The following LIMCH1 variants were observed in gnomAD, a reference collection of about 807,000 sequenced individuals.
The protein encoded by LIMCH1 is LIM and calponin homology domains 1, also known as LIM and calponin homology domains-containing protein 1.
LIMCH1 carries 113 observed loss-of-function variants against 176.5 expected under a neutral mutation model. The ratio of observed to expected loss-of-function variants is 0.64; its 90% CI spans 0.55 to 0.75. LIMCH1 has a LOEUF of 0.75. LIMCH1 is among the 30% of genes least tolerant of loss of function. The probability of loss-of-function intolerance (pLI) is 0.00; values close to 1 mark genes in which losing one functional copy is unlikely to be tolerated. For synonymous variants in LIMCH1, 619 were observed against 645.9 expected, an observed-to-expected ratio of 0.96 and a Z score of 0.63; for missense variants, 1,674 against 1,814.9, an observed-to-expected ratio of 0.92 and a Z score of 1.41.
intron 1 of LIMCH1, among the ~76,000 whole-genome samples, chr4:41,423,542 G>A (rs934401402): frequency 6.6e-6 from 1 of 152,066 alleles, no homozygotes; most frequent in African/African-American, 2.4e-5. Flanking sequence ...CTATGGTGGT[G>A]GTCTATTGGG....
intron 1 of LIMCH1, among the ~76,000 whole-genome samples, chr4:41,580,527 A>G (rs538856296): frequency 6.6e-6 from 1 of 152,308 alleles, no homozygotes; most frequent in African/African-American, 2.4e-5. Flanking sequence ...AGAATATTTT[A>G]TTATCAAAAC....
chr4:41,684,472 C>A lies in LIMCH1; in HGVS notation c.3921C>A (p.Thr1307=), dbSNP rs147913577. 27 of 1,613,572 alleles carry A rather than the reference C, an allele frequency of 1.7e-5. No individual in the cohort carries two copies. Among genetic ancestry groups the A allele is most frequent in the Non-Finnish European group, 8.5e-7 (1 of 1,179,814 alleles). ...TCCATGAAGACCATCAGCTGGATAC[C>A]GAGGCTGGGGCCCCACACTGTGGAA... ...KGVHEDHQLD[T]EAGAPHCGTN... The change falls in exon 27 of 32, where the codon ACC becomes ACA. Residue 1307 remains threonine, a synonymous_variant. Transcript: ENST00000503057.
At chr4:41,462,001 A>G (rs2065430146) in intron 1 of LIMCH1, among the ~76,000 whole-genome samples, 1 of 152,170 alleles carries the variant, frequency 6.6e-6, no homozygotes, top group African/African-American at 2.4e-5. Flanking sequence ...CAACCTATTT[A>G]GCATTTTGGC....
intron 1 of LIMCH1, among the ~76,000 whole-genome samples, chr4:41,563,263 T>G (rs73146343): frequency 0.069 from 10,554 of 152,154 alleles, 1,187 homozygotes; most frequent in African/African-American, 0.24. Flanking sequence ...CAAGAGATTA[T>G]GGATAAAAGG....
intron 7 of LIMCH1, among the ~76,000 whole-genome samples, chr4:41,622,624 C>T (rs1202361181): frequency 2.0e-5 from 3 of 152,282 alleles, no homozygotes; most frequent in East Asian, 3.9e-4. Flanking sequence ...TGTGCCACTT[C>T]AGTACCTGGG....
At chr4:41,569,544 G>A (rs902216898) in intron 1 of LIMCH1, among the ~76,000 whole-genome samples, 6 of 152,068 alleles carry the variant, frequency 3.9e-5, no homozygotes, top group Non-Finnish European at 8.8e-5. Flanking sequence ...TAGGAGGGTC[G>A]GCCCTCAACA....
chr4:41,421,873 A>T (rs1324531253), intron 1 of LIMCH1, among the ~76,000 whole-genome samples: 1 of 152,138 alleles, frequency 6.6e-6, no homozygotes, highest in Non-Finnish European at 1.5e-5. Flanking sequence ...ACTTGAGCCT[A>T]GGAGTTTGAG....
intron 6 of LIMCH1, chr4:41,619,883 CAAT>C (rs1433311493): frequency 9.9e-6 from 2 of 201,846 alleles, no homozygotes; most frequent in East Asian, 2.3e-4. Flanking sequence ...ATGTGGTTCA[CAAT>C]AACATATAGA....
chr4:41,455,254 T>C (rs1017277850), intron 1 of LIMCH1, among the ~76,000 whole-genome samples: 4 of 152,196 alleles, frequency 2.6e-5, no homozygotes, highest in Non-Finnish European at 5.9e-5. Flanking sequence ...TTATTTAATG[T>C]ATCAAACAAT....
chr4:41,653,886 C>T (rs1383485528), intron 18 of LIMCH1, among the ~76,000 whole-genome samples: 1 of 152,210 alleles, frequency 6.6e-6, no homozygotes, highest in Non-Finnish European at 1.5e-5. Flanking sequence ...TTAAAAAATG[C>T]TTTGTCTGTA....
intron 1 of LIMCH1, among the ~76,000 whole-genome samples, chr4:41,448,006 G>T (rs1213748302): frequency 3.0e-4 from 46 of 152,184 alleles, no homozygotes; most frequent in Non-Finnish European, 1.5e-5. Flanking sequence ...GGCCAGGCTG[G>T]TCTCAAACTC....
At chr4:41,612,922 A>G in intron 4 of LIMCH1, 1 of 1,469,404 alleles carries the variant, frequency 6.8e-7, no homozygotes, top group African/African-American at 1.4e-5. Flanking sequence ...TTTCCCTTCA[A>G]GGTAGCAGGA....
intron 14 of LIMCH1, among the ~76,000 whole-genome samples, chr4:41,641,575 C>T (rs1489147729): frequency 1.3e-5 from 2 of 152,084 alleles, no homozygotes; most frequent in African/African-American, 4.8e-5. Flanking sequence ...GGAATATTTG[C>T]ATATACATAG....
At chr4:41,691,489 G>A (rs573728250) in intron 30 of LIMCH1, among the ~76,000 whole-genome samples, 2 of 151,016 alleles carry the variant, frequency 1.3e-5, no homozygotes, top group Non-Finnish European at 1.5e-5. Context: ...GCTCATGCCT[G>A]TAATCCCAGC....
At chr4:41,532,574 G>A (rs1222800381) in intron 3 of LIMCH1, among the ~76,000 whole-genome samples, 1 of 152,232 alleles carries the variant, frequency 6.6e-6, no homozygotes, top group Non-Finnish European at 1.5e-5. Context: ...TGATAAAAGT[G>A]TGTCAGATGG....
At chr4:41,551,693 GA>G (rs1178915122) in intron 1 of LIMCH1, among the ~76,000 whole-genome samples, 10 of 152,220 alleles carry the variant, frequency 6.6e-5, no homozygotes, top group African/African-American at 1.9e-4. Context: ...ATAATACATG[GA>G]AATTAAGTGA....
chr4:41,578,768 G>C (rs1440096034), intron 1 of LIMCH1, among the ~76,000 whole-genome samples: 1 of 151,826 alleles, frequency 6.6e-6, no homozygotes, highest in Non-Finnish European at 1.5e-5. Flanking sequence ...GGTTGCCCAG[G>C]CTAGAGTGAA....
intron 1 of LIMCH1, among the ~76,000 whole-genome samples, chr4:41,398,261 A>C (rs1257889562): frequency 6.6e-6 from 1 of 150,926 alleles, no homozygotes; most frequent in Non-Finnish European, 1.5e-5. Flanking sequence ...CACAATGTGC[A>C]GGTTAGTTAC....
chr4:41,602,571 C>T (rs1171819673), intron 2 of LIMCH1, among the ~76,000 whole-genome samples: 3 of 152,004 alleles, frequency 2.0e-5, no homozygotes, highest in Non-Finnish European at 4.4e-5. Flanking sequence ...AAAACCCTAG[C>T]AGATTGGGAG....
Sources: gnomAD v4.1 joint callset for allele counts (sites outside exome capture counted in the v4.1 genomes callset) on GRCh38, gnomAD v4.1.1 for gene constraint, MANE v1.5 for transcripts, NCBI Gene and HGNC (gene_info 2026-07-23, HGNC 2026-07-21) for gene names.